The following UBR3 variants were observed in gnomAD, a reference collection of about 807,000 sequenced individuals.
The protein encoded by UBR3 is E3 ubiquitin-protein ligase UBR3.
In UBR3, 85 loss-of-function variants were observed where a neutral mutation model predicts 243.2. That is an observed-to-expected ratio of 0.35 (90% confidence interval 0.29 to 0.42). The LOEUF (loss-of-function observed/expected upper bound fraction) is 0.42, where lower values mean the gene tolerates loss of function less well. UBR3 is among the 10% of genes least tolerant of loss of function. The probability of loss-of-function intolerance (pLI) is 1.00; values close to 1 mark genes in which losing one functional copy is unlikely to be tolerated. For missense variants in UBR3, 1,686 were observed against 2,300.8 expected (o/e 0.73, Z 5.47); for synonymous variants, 748 against 799.8 (o/e 0.94, Z 1.09).
chr2:170,061,081 T>A lies in UBR3; in HGVS notation c.4788T>A (p.Ser1596Arg). 1.3e-6 allele frequency: 2 copies of A among 1,560,694 alleles called. No homozygotes were observed. The highest frequency in any genetic ancestry group is 1.7e-6 in the Non-Finnish European group (2 of 1,161,270). ...AWKHAGALKK[S>R]TCDAEKSYEV... is the part of the protein sequence containing the mutation. ...AACCAATATTTTAATTTTTTCAGAG[T>A]ACATGTGATGCAGAAAAGTCTTACG... is the stretch of plus-strand genomic sequence containing the variant. Residue 1596 changes from serine (S) to arginine (R), a missense_variant and splice_region_variant, in exon 34 of 39, where the codon AGT (serine) becomes AGA (arginine). By Grantham distance (110) the Ser-to-Arg change is moderately radical. This residue lies in a region of UBR3 where 371 missense variants were observed against 422.5 expected (regional missense o/e 0.88). Transcript: ENST00000272793.
chr2:169,939,236 T>A (rs546416494), intron 19 of UBR3, among the ~76,000 whole-genome samples: 1 of 151,936 alleles, frequency 6.6e-6, no homozygotes, highest in Non-Finnish European at 1.5e-5. Flanking sequence ...TTCATTCTTA[T>A]TCTTTTTTCC....
intron 4 of UBR3, 60 bp downstream of exon 4, chr2:169,877,697 C>G (rs1461471845): frequency 6.9e-7 from 1 of 1,453,824 alleles, no homozygotes; most frequent in Non-Finnish European, 9.1e-7. Flanking sequence ...CCAAAAAAAC[C>G]TCTCAAACTT....
At chr2:169,944,506 A>G (rs1339464403) in intron 20 of UBR3, among the ~76,000 whole-genome samples, 1 of 152,184 alleles carries the variant, frequency 6.6e-6, no homozygotes, top group Non-Finnish European at 1.5e-5. Flanking sequence ...ACTATTATAA[A>G]TGAATTTTTC....
rs2086006069 is a variant in UBR3 at position 169,928,787 on chromosome 2, G to A, written c.2485G>A (p.Val829Ile). 1.3e-6 allele frequency: 2 copies of A among 1,514,858 alleles called. No homozygotes were observed. Among genetic ancestry groups the A allele is most frequent in the Non-Finnish European group, 8.9e-7 (1 of 1,120,998 alleles). 93.8% of individuals were successfully genotyped at this position (1,514,858 alleles called of 1,614,324 possible). A position where few individuals can be genotyped will look rare whatever the true frequency, so the allele number is the denominator to read the frequency against. ...IIPGSYSFES[V>I]LSAVADFKAP... ...TCCAGGCAGTTACAGCTTTGAATCA[G>A]TTTTATCAGCTGTAGCTGATTTTAA... is the stretch of plus-strand genomic sequence containing the variant. The change falls in exon 18 of 39, where the codon GTT becomes ATT. Residue 829 changes from valine (V) to isoleucine (I), a missense_variant. Coordinates refer to ENST00000272793, the MANE Select transcript of UBR3 (RefSeq NM_172070.4).
chr2:169,946,293 G>T lies in UBR3; in HGVS notation c.2811G>T (p.Leu937Phe). 3 of 1,481,652 alleles carry T rather than the reference G, an allele frequency of 2.0e-6. No individual in the cohort carries two copies. In the South Asian group the frequency reaches 4.2e-5, roughly 21 times the overall value. 91.8% of individuals were successfully genotyped at this position (1,481,652 alleles called of 1,614,324 possible). The change falls in exon 21 of 39, where the codon TTG becomes TTT. Residue 937 changes from leucine (L) to phenylalanine (F), a missense_variant. By Grantham distance (22) the Leu-to-Phe change is conservative. This residue lies in a region of UBR3 where 300 missense variants were observed against 314.4 expected (regional missense o/e 0.95). Coordinates refer to ENST00000272793, the MANE Select transcript of UBR3 (RefSeq NM_172070.4). The stretch of plus-strand genomic sequence containing the variant: ...ATTTTCTTCCCTTTTTAAAGATTTT[G>T]ATGGATCATCAAAATCTGTCAGAAC... ...IVLFTLLYKI[L>F]MDHQNLSEHV...
intron 25 of UBR3, among the ~76,000 whole-genome samples, chr2:169,993,457 T>C (rs2089364417): frequency 6.6e-6 from 1 of 152,248 alleles, no homozygotes; most frequent in African/African-American, 2.4e-5. Context: ...TCCTGTAATT[T>C]AGAACAGTTT....
intron 31 of UBR3, among the ~76,000 whole-genome samples, chr2:170,036,818 T>C (rs1384523280): frequency 6.6e-6 from 1 of 152,096 alleles, no homozygotes; most frequent in Non-Finnish European, 1.5e-5. Context: ...TTACTTTTCT[T>C]GACCCATTGA....
intron 24 of UBR3, chr2:169,965,036 G>T: frequency 4.4e-6 from 2 of 453,154 alleles, no homozygotes; most frequent in South Asian, 3.1e-5. Context: ...TAGGATTCCA[G>T]ATCACACTGA....
intron 5 of UBR3, among the ~76,000 whole-genome samples, chr2:169,882,582 A>G (rs180823427): frequency 1.3e-5 from 2 of 151,274 alleles, no homozygotes; most frequent in Admixed American, 1.3e-4. Flanking sequence ...CTCTACTGAA[A>G]ATACAAAAAT....
At chr2:169,897,161 ATAAT>A (rs2084623638) in intron 8 of UBR3, among the ~76,000 whole-genome samples, 2 of 152,324 alleles carry the variant, frequency 1.3e-5, no homozygotes, top group South Asian at 4.1e-4. Flanking sequence ...TGGCTATACC[ATAAT>A]TTATTTAGTC....
At chr2:169,989,553 A>G (rs1364448864) in intron 25 of UBR3, among the ~76,000 whole-genome samples, 1 of 152,218 alleles carries the variant, frequency 6.6e-6, no homozygotes, top group Non-Finnish European at 1.5e-5. Context: ...CAGAGATTAC[A>G]AATCTCTTTC....
At chr2:169,977,865 C>G (rs2088529315) in intron 24 of UBR3, among the ~76,000 whole-genome samples, 1 of 152,148 alleles carries the variant, frequency 6.6e-6, no homozygotes, top group Admixed American at 6.5e-5. Context: ...GTCATATTTC[C>G]TTGCTTTTTC....
chr2:170,073,731 G>GAA (rs3217724), intron 36 of UBR3, 124 bp downstream of exon 36: 9 of 942,060 alleles, frequency 9.6e-6, no homozygotes, highest in Non-Finnish European at 1.4e-5. Context: ...TGATTAAATT[G>GAA]AAAAAATTGT....
chr2:169,870,392 A>T (rs116031235), intron 1 of UBR3, among the ~76,000 whole-genome samples: 6,766 of 151,680 alleles, frequency 0.045, 221 homozygotes, highest in East Asian at 0.13. Context: ...GCCTCCCAAC[A>T]TGCTGGGATT....
intron 18 of UBR3, among the ~76,000 whole-genome samples, chr2:169,931,116 C>T (rs1299983678): frequency 2.0e-5 from 3 of 152,036 alleles, no homozygotes; most frequent in Non-Finnish European, 1.5e-5. Flanking sequence ...CTTTGGGAGG[C>T]CAAGGTGGGT....
At chr2:169,885,201 A>ATG (rs2084042485) in intron 5 of UBR3, among the ~76,000 whole-genome samples, 1 of 152,156 alleles carries the variant, frequency 6.6e-6, no homozygotes, top group African/African-American at 2.4e-5. Context: ...TATTGTTGTA[A>ATG]TTTAAGATAT....
At chr2:169,856,120 G>A (rs183931877) in intron 1 of UBR3, among the ~76,000 whole-genome samples, 6,573 of 149,206 alleles carry the variant, frequency 0.044, 166 homozygotes, top group Middle Eastern at 0.074. Flanking sequence ...TCAGACGGGG[G>A]CAGCCGGTCA....
intron 1 of UBR3, among the ~76,000 whole-genome samples, chr2:169,838,372 C>CCT (rs1228360822): frequency 2.0e-5 from 3 of 147,266 alleles, no homozygotes; most frequent in Non-Finnish European, 3.0e-5. Flanking sequence ...GCTGGGAAGT[C>CCT]CAAGATTAAG....
At chr2:170,022,634 C>T (rs1174368444) in intron 30 of UBR3, among the ~76,000 whole-genome samples, 1 of 152,032 alleles carries the variant, frequency 6.6e-6, no homozygotes, top group Non-Finnish European at 1.5e-5. Context: ...TCTGATATAT[C>T]CATCATAGTT....
Sources: allele counts gnomAD v4.1 joint callset (sites outside exome capture counted in the v4.1 genomes callset), GRCh38; gene constraint gnomAD v4.1.1; regional missense constraint gnomAD v4.1.1; transcripts MANE v1.5; gene names NCBI Gene and HGNC (gene_info 2026-07-23, HGNC 2026-07-21).